The following PTPRQ variants were observed in gnomAD, a reference collection of about 807,000 sequenced individuals.
PTPRQ encodes protein tyrosine phosphatase receptor type Q.
In PTPRQ, 199 loss-of-function variants were observed where a neutral mutation model predicts 246.0. That is an observed-to-expected ratio of 0.81 (90% CI 0.72 to 0.91). PTPRQ has a LOEUF of 0.91. Ranked by LOEUF, PTPRQ falls within the 40% of genes least tolerant of loss-of-function variation. PTPRQ has a pLI of 0.00. For missense variants in PTPRQ, 2,624 were observed against 2,528.4 expected (o/e 1.04, Z -0.81); for synonymous variants, 869 against 853.2 (o/e 1.02, Z -0.32).
At chr12:80,535,145 C>T in intron 19 of PTPRQ, 108 bp downstream of exon 19, 1 of 1,100,348 alleles carries the variant, frequency 9.1e-7, no homozygotes, top group Non-Finnish European at 1.2e-6. Flanking sequence ...GATAATTAGG[C>T]ACAGATGTAT....
chr12:80,634,080 A>T (rs1899547110), intron 34 of PTPRQ, among the ~76,000 whole-genome samples: 1 of 152,130 alleles, frequency 6.6e-6, no homozygotes, highest in Non-Finnish European at 1.5e-5. Context: ...AATAATAACT[A>T]TTTATGTAAC....
At chr12:80,476,191 T>G (rs530543877) in intron 8 of PTPRQ, among the ~76,000 whole-genome samples, 1 of 152,274 alleles carries the variant, frequency 6.6e-6, no homozygotes, top group South Asian at 2.1e-4. Flanking sequence ...AGAGATGGAA[T>G]AGGAGCTTTG....
At chr12:80,457,354 T>C (rs571078665) in intron 3 of PTPRQ, among the ~76,000 whole-genome samples, 1 of 152,116 alleles carries the variant, frequency 6.6e-6, no homozygotes, top group Non-Finnish European at 1.5e-5. Context: ...GGCAAAGGTA[T>C]TTGACCTCTC....
At chr12:80,484,351 A>G (rs1894197421) in intron 8 of PTPRQ, 82 bp from the exon 9 acceptor site, 5 of 1,428,252 alleles carry the variant, frequency 3.5e-6, no homozygotes, top group Non-Finnish European at 4.7e-6. Context: ...TAAATTGTGA[A>G]CTAAGAATTT....
intron 28 of PTPRQ, among the ~76,000 whole-genome samples, chr12:80,612,382 G>T (rs1336869895): frequency 6.7e-6 from 1 of 150,358 alleles, no homozygotes; most frequent in African/African-American, 2.4e-5. Context: ...AGGAGACATT[G>T]TTGGTAAAAC....
chr12:80,561,079 C>A (rs11114510), intron 25 of PTPRQ: 32,781 of 152,462 alleles, frequency 0.22, 5,658 homozygotes, highest in African/African-American at 0.47. Context: ...GTTTCACAAA[C>A]GATTCATATT....
Position 80,622,125 on chromosome 12 carries a change from A to T in PTPRQ, c.5677A>T (p.Lys1893Ter). The change falls in exon 33 of 45, where the codon AAG becomes TAG. Residue 1893 changes from lysine to a stop codon, truncating the protein, a stop_gained. Transcript: ENST00000644991. LOFTEE classifies it high-confidence loss of function. The part of the protein sequence containing the change: ...FTDSDYSDPV[K>*]TLGEGLSERT... ...TGACTCTGATTATTCTGACCCTGTT[A>T]AGACTTTAGGTAAGACATTTTTGTA... is the stretch of plus-strand genomic sequence containing the variant. 1 of 1,439,568 alleles carries T rather than the reference A, an allele frequency of 6.9e-7. No homozygotes were observed. Among genetic ancestry groups the T allele is most frequent in the South Asian group, 1.5e-5 (1 of 65,446 alleles). The allele number at this position is 1,439,568 out of a possible 1,614,324, so 89.2% of individuals were successfully genotyped here. A position where few individuals can be genotyped will look rare whatever the true frequency, so the allele number is the denominator to read the frequency against.
intron 3 of PTPRQ, among the ~76,000 whole-genome samples, chr12:80,451,376 C>T (rs1241284529): frequency 1.0e-5 from 1 of 97,592 alleles, no homozygotes; most frequent in Non-Finnish European, 2.0e-5. Flanking sequence ...GTCTCTATGT[C>T]CTTCAGTTCT....
chr12:80,565,871 A>G (rs1310442084), intron 25 of PTPRQ, among the ~76,000 whole-genome samples: 2 of 152,206 alleles, frequency 1.3e-5, no homozygotes, highest in African/African-American at 4.8e-5. Context: ...ATATGAAAAT[A>G]CAAGTTTGAG....
In PTPRQ at chr12:80,586,294, A is replaced by C. The variant is rs533231230; in HGVS notation, c.4286-1835A>C. Among the ~76,000 whole-genome samples, 56 of 151,706 alleles carry C rather than the reference A, an allele frequency of 3.7e-4. No individual in the cohort carries two copies. The East Asian group carries it at 9.5e-3, about 26-fold the overall frequency. ...TATGCAGCCAAAAGACACATGAAAA[A>C]ATGCTCATCATCACTGGCCATCAGA... On this transcript the variant is annotated intron_variant, in intron 25 of 44. Transcript: ENST00000644991.
At chr12:80,615,396 C>T (rs944294436) in intron 29 of PTPRQ, among the ~76,000 whole-genome samples, 3 of 150,980 alleles carry the variant, frequency 2.0e-5, no homozygotes, top group African/African-American at 2.4e-5. Flanking sequence ...ATAAACATTT[C>T]GTATACTGAA....
chr12:80,480,827 G>T (rs1035559292), intron 8 of PTPRQ, among the ~76,000 whole-genome samples: 3 of 152,170 alleles, frequency 2.0e-5, no homozygotes, highest in Non-Finnish European at 2.9e-5. Flanking sequence ...AAACCAGGAA[G>T]AAGTTGAATC....
At chr12:80,642,919 TAAAAAAAAAA>T (rs902888826) in intron 35 of PTPRQ, among the ~76,000 whole-genome samples, 1 of 77,198 alleles carries the variant, frequency 1.3e-5, no homozygotes, top group Non-Finnish European at 3.0e-5. Flanking sequence ...GACTCCGTCT[TAAAAAAAAAA>T]AAAAAAAAAA....
chr12:80,582,166 G>C (rs539494434), intron 25 of PTPRQ, among the ~76,000 whole-genome samples: 2 of 152,088 alleles, frequency 1.3e-5, no homozygotes, highest in African/African-American at 4.8e-5. Flanking sequence ...AATCAAATTC[G>C]ATATATCCAT....
intron 2 of PTPRQ, 110 bp downstream of exon 2, chr12:80,444,959 G>A (rs1892508710): frequency 7.7e-7 from 1 of 1,291,392 alleles, no homozygotes; most frequent in Admixed American, 3.2e-5. Flanking sequence ...CATGAAAACA[G>A]TGTAGAATAA....
chr12:80,481,253 A>T (rs1029705139), intron 8 of PTPRQ, among the ~76,000 whole-genome samples: 2 of 152,216 alleles, frequency 1.3e-5, no homozygotes, highest in Non-Finnish European at 2.9e-5. Flanking sequence ...CCAGCATATA[A>T]ACAGAACCAA....
intron 9 of PTPRQ, among the ~76,000 whole-genome samples, 163 bp from the exon 10 acceptor site, chr12:80,493,112 G>A (rs548498372): frequency 9.2e-5 from 14 of 152,066 alleles, no homozygotes; most frequent in South Asian, 2.1e-4. Flanking sequence ...ATTAGTAGCC[G>A]GAGAATGAAA....
intron 39 of PTPRQ, among the ~76,000 whole-genome samples, chr12:80,665,452 A>G (rs148076929): frequency 1.3e-4 from 20 of 152,156 alleles, no homozygotes; most frequent in African/African-American, 4.6e-4. Flanking sequence ...CTAAAGTCAT[A>G]TATCTAATTG....
intron 16 of PTPRQ, among the ~76,000 whole-genome samples, chr12:80,509,279 A>G (rs1344958100): frequency 3.3e-5 from 5 of 152,080 alleles, no homozygotes; most frequent in Non-Finnish European, 5.9e-5. Flanking sequence ...ACATGCACAC[A>G]TGGGAACACA....
Sources: allele counts gnomAD v4.1 joint callset (sites outside exome capture counted in the v4.1 genomes callset), GRCh38; gene constraint gnomAD v4.1.1; transcripts MANE v1.5; gene names NCBI Gene and HGNC (gene_info 2026-07-23, HGNC 2026-07-21).